The following QRICH2 variants were observed in gnomAD, a reference collection of about 807,000 sequenced individuals.
QRICH2 encodes the protein glutamine rich 2.
QRICH2 carries 119 observed loss-of-function variants against 168.3 expected under a neutral mutation model. That is an observed-to-expected ratio of 0.71 (90% CI 0.61 to 0.82). The LOEUF (loss-of-function observed/expected upper bound fraction) is 0.82, where lower values mean the gene tolerates loss of function less well. Among genes scored for constraint, QRICH2 ranks in the 40% least tolerant of loss-of-function variants. QRICH2 has a pLI of 0.00. For missense variants in QRICH2, 2,241 were observed against 2,491.6 expected, an observed-to-expected ratio of 0.90 and a Z score of 2.14; for synonymous variants, 894 against 951.2, an observed-to-expected ratio of 0.94 and a Z score of 1.11.
At chr17:76,301,907 TGTGTGTGTGTGA>T (rs1278342334) in intron 3 of QRICH2, among the ~76,000 whole-genome samples, 4 of 132,874 alleles carry the variant, frequency 3.0e-5, no homozygotes, top group Non-Finnish European at 3.2e-5. Context: ...TGTGTGTGTG[TGTGTGTGTGTGA>T]GACAGAGTCT....
chr17:76,276,580 A>T, intron 17 of QRICH2, 100 bp downstream of exon 17: 1 of 786,444 alleles, frequency 1.3e-6, no homozygotes, highest in South Asian at 1.6e-5. Context: ...GAAGGAAGAC[A>T]CCCAGGGTCT....
At chr17:76,300,854 C>T (rs1206985729) in intron 3 of QRICH2, among the ~76,000 whole-genome samples, 1 of 152,100 alleles carries the variant, frequency 6.6e-6, no homozygotes, top group Non-Finnish European at 1.5e-5. Context: ...GAGTTTAAGA[C>T]CAGCCTGGCC....
intron 6 of QRICH2, 90 bp downstream of exon 6, chr17:76,287,710 G>A: frequency 1.1e-5 from 10 of 891,008 alleles, no homozygotes; most frequent in Non-Finnish European, 1.9e-5. Flanking sequence ...GTCCATTCAG[G>A]GGCATAAGGG....
At position 76,281,698 on chromosome 17, in the gene QRICH2, G is replaced by T. The variant is rs759714842; in HGVS notation, c.4263+166C>A. 6.6e-6 allele frequency among the ~76,000 whole-genome samples: 1 copy of T among 152,324 alleles called. No individual in the cohort carries two copies. Among genetic ancestry groups the T allele is most frequent in the Middle Eastern group, 3.4e-3 (1 of 294 alleles). ...CTGCTGCTACCCTCGCTGTGGACCT[G>T]CAGAAAGACCAGGGACTCTTGTGGG... On this transcript the variant is annotated intron_variant, in intron 8 of 18. Coordinates refer to ENST00000680821, the MANE Select transcript of QRICH2 (RefSeq NM_001388453.1). The surrounding 1 kb of genome is among the most constrained non-coding windows in gnomAD (Gnocchi z 4.4).
chr17:76,280,721 T>TA lies in QRICH2; in HGVS notation c.4393dup (p.Tyr1465LeufsTer40), dbSNP rs1305427310. On this transcript the variant is annotated frameshift_variant, in exon 10 of 19. Coordinates refer to ENST00000680821, the MANE Select transcript of QRICH2 (RefSeq NM_001388453.1). LOFTEE classifies it high-confidence loss of function. The surrounding 1 kb of genome is among the most constrained non-coding windows in gnomAD (Gnocchi z 7.4). ...CTTTTCGAGCTTCTCCAGACCCTGG[T>TA]ACAGCATCTGGGGAGGCCAAGTGAA... The TA allele has an allele frequency of 2.5e-6, 4 of 1,613,940 alleles. No individual in the cohort carries two copies. The African/African-American group carries it at 5.3e-5, about 22-fold the overall frequency.
At chr17:76,297,868 C>CTGTTTTTTTTT (rs2070823206) in intron 3 of QRICH2, among the ~76,000 whole-genome samples, 1 of 96,026 alleles carries the variant, frequency 1.0e-5, no homozygotes, top group Non-Finnish European at 2.0e-5. Context: ...ACTTAGGAAT[C>CTGTTTTTTTTT]TGTTTTTTTT....
At chr17:76,305,478 G>T (rs564074220) in intron 1 of QRICH2, among the ~76,000 whole-genome samples, 1 of 152,252 alleles carries the variant, frequency 6.6e-6, no homozygotes, top group South Asian at 2.1e-4. Flanking sequence ...GTTTTTACCT[G>T]GCCAGTCAGC....
chr17:76,293,500 T>C lies in QRICH2; in HGVS notation c.1227A>G (p.Pro409=), dbSNP rs1243909802. ...CCATGCTGAGGGGTACCACACCATG[T>C]GGGTAAGTGCTAGCAGGCACTAATC... The part of the protein sequence containing the change: ...QPGLVPASTY[P]HGVVPLSMGQ... The change falls in exon 4 of 19, where the codon CCA becomes CCG. Residue 409 remains proline, a synonymous_variant. Transcript: ENST00000680821. 1 of 1,614,090 alleles carries C rather than the reference T, an allele frequency of 6.2e-7. No individual in the cohort carries two copies. The highest frequency in any genetic ancestry group is 1.3e-5 in the African/African-American group (1 of 74,932).
At chr17:76,295,345 C>G (rs1284945871) in intron 3 of QRICH2, among the ~76,000 whole-genome samples, 1 of 151,964 alleles carries the variant, frequency 6.6e-6, no homozygotes. Context: ...TACTGGAATG[C>G]ATGTAAACCA....
At position 76,295,269 on chromosome 17, in the gene QRICH2, TAAATA is replaced by T. The variant is rs935558870; in HGVS notation, c.706-1253_706-1249del. Among the ~76,000 whole-genome samples the T allele has an allele frequency of 8.0e-5, 12 of 150,794 alleles. No homozygotes were observed. In the East Asian group the frequency reaches 2.4e-3, roughly 30 times the overall value. The stretch of plus-strand genomic sequence containing the variant: ...GCAAGACTCCATCTCAAAAAATAAA[TAAATA>T]AAATAAAATAAAATATAAAGTTTGC... On this transcript the variant is annotated intron_variant, in intron 3 of 18. Coordinates refer to ENST00000680821, the MANE Select transcript of QRICH2 (RefSeq NM_001388453.1).
chr17:76,308,263 GCCGGCGGACGTTTGAAACGTGGGGGCC>G, exon 1 of QRICH2: 1 of 985,424 alleles, frequency 1.0e-6, no homozygotes, highest in African/African-American at 1.7e-5. Flanking sequence ...CAGTCCCCGC[GCCGGCGGACGTTTGAAACGTGGGGGCC>G]CCCGCGTGCC....
chr17:76,283,850 G>A (rs1005662310), intron 7 of QRICH2, among the ~76,000 whole-genome samples: 1 of 132,884 alleles, frequency 7.5e-6, no homozygotes, highest in Non-Finnish European at 1.5e-5. Context: ...CTCCAGCCTG[G>A]GCAACAAGAG....
Position 76,278,015 on chromosome 17 carries a change from C to A in QRICH2, c.5091G>T (p.Gln1697His), listed in dbSNP as rs965130685. 1.2e-6 allele frequency: 2 copies of A among 1,613,072 alleles called. No individual in the cohort carries two copies. The highest frequency in any genetic ancestry group is 4.5e-5 in the East Asian group (2 of 44,890). Residue 1697 changes from glutamine to histidine, a missense_variant, in exon 15 of 19, where the codon CAG (glutamine) becomes CAT (histidine). This residue lies in a region of QRICH2 where 2,047 missense variants were observed against 2,303.8 expected (regional missense o/e 0.89). Transcript: ENST00000680821. ...SQIIRELLHA[Q>H]CLGSPCYKRV... ...GTTTGTAGCAGGGGGAGCCCAGGCA[C>A]TGGGCGTGCAGCAGCTCGCGGATTA...
chr17:76,290,939 G>A (rs1198872626), intron 4 of QRICH2, 76 bp downstream of exon 4: 4 of 1,555,408 alleles, frequency 2.6e-6, no homozygotes, highest in Non-Finnish European at 3.5e-6. Flanking sequence ...CAGGAGTTGA[G>A]GCCAGGGGAA....
chr17:76,303,792 G>A (rs1598505231), intron 3 of QRICH2, among the ~76,000 whole-genome samples: 1 of 147,400 alleles, frequency 6.8e-6, no homozygotes, highest in African/African-American at 2.5e-5. Context: ...AGAATGGCGT[G>A]AACCCGGGAG....
At chr17:76,298,116 T>G (rs898050575) in intron 3 of QRICH2, among the ~76,000 whole-genome samples, 1 of 150,416 alleles carries the variant, frequency 6.6e-6, no homozygotes, top group Non-Finnish European at 1.5e-5. Flanking sequence ...AGGTGATCCA[T>G]CCACCTCAGC....
chr17:76,300,902 A>C lies in QRICH2; in HGVS notation c.705+3513T>G, dbSNP rs186437149. 2.8e-3 allele frequency among the ~76,000 whole-genome samples: 420 copies of C among 152,214 alleles called. 2 individuals carry two copies. The highest frequency in any genetic ancestry group is 9.7e-3 in the African/African-American group (402 of 41,554). On this transcript the variant is annotated intron_variant, in intron 3 of 18. Coordinates refer to ENST00000680821, the MANE Select transcript of QRICH2 (RefSeq NM_001388453.1). ...CCCCATCTTTACTAAAAATACAAAA[A>C]AATTAGCCGGGCGTGGTGGTGGGCA...
In QRICH2 at chr17:76,281,607, C is replaced by T. The variant is rs531658090; in HGVS notation, c.4263+257G>A. Among the ~76,000 whole-genome samples, 89 of 152,312 alleles carry T rather than the reference C, an allele frequency of 5.8e-4. No individual in the cohort carries two copies. Among genetic ancestry groups the T allele is most frequent in the African/African-American group, 2.1e-3 (86 of 41,568 alleles). On this transcript the variant is annotated intron_variant, in intron 8 of 18. Coordinates refer to ENST00000680821, the MANE Select transcript of QRICH2 (RefSeq NM_001388453.1). The surrounding 1 kb of genome is among the most constrained non-coding windows in gnomAD (Gnocchi z 4.4). Reference sequence around the variant, plus strand: ...CGAAGGGCACTGATCTGTCCTCAGCCGGCCTGTGCTGTCCCACCCCATCAA... The same window carrying T: ...CGAAGGGCACTGATCTGTCCTCAGCTGGCCTGTGCTGTCCCACCCCATCAA...
rs748044028 is a variant in QRICH2 at position 76,275,925 on chromosome 17, C to T, written c.5376G>A (p.Lys1792=). Reference sequence around the variant, plus strand: ...GCACGTGGGGCCTGGGCTGCTGGGACTTGCGCTTTGAGGTCCCTGAGCCTG... The same window carrying T: ...GCACGTGGGGCCTGGGCTGCTGGGATTTGCGCTTTGAGGTCCCTGAGCCTG... ...RKDSSGTSKR[K]SQQPRPHVHR... is the part of the protein sequence containing the mutation. Residue 1792 remains lysine (K), a synonymous_variant, in exon 18 of 19, where the codon AAG becomes AAA. Coordinates refer to ENST00000680821, the MANE Select transcript of QRICH2 (RefSeq NM_001388453.1). The T allele has an allele frequency of 2.8e-5, 45 of 1,608,590 alleles. No homozygotes were observed. The highest frequency in any genetic ancestry group is 3.6e-5 in the Non-Finnish European group (43 of 1,179,928).
Sources: allele counts gnomAD v4.1 joint callset (sites outside exome capture counted in the v4.1 genomes callset), GRCh38; gene constraint gnomAD v4.1.1; regional missense constraint gnomAD v4.1.1; non-coding constraint Gnocchi (gnomAD v3.1); transcripts MANE v1.5; gene names NCBI Gene and HGNC (gene_info 2026-07-23, HGNC 2026-07-21).